ADAMTS12: variants seen among roughly 807,000 people sequenced by gnomAD.
The protein encoded by ADAMTS12 is ADAM metallopeptidase with thrombospondin type 1 motif 12.
A neutral mutation model predicts 167.8 loss-of-function variants in ADAMTS12; 118 were observed. That is an observed-to-expected ratio of 0.70 (90% confidence interval 0.61 to 0.82). The LOEUF (loss-of-function observed/expected upper bound fraction) is 0.82. Ranked by LOEUF, ADAMTS12 falls within the 40% of genes least tolerant of loss-of-function variation. The pLI is 0.00. For synonymous variants in ADAMTS12, 704 were observed against 716.9 expected (o/e 0.98, Z 0.29); for missense variants, 1,916 against 1,998.8 (o/e 0.96, Z 0.79).
chr5:33,610,268 G>A (rs13176580), intron 16 of ADAMTS12, among the ~76,000 whole-genome samples: 88,174 of 152,122 alleles, frequency 0.58, 25,851 homozygotes, highest in East Asian at 0.82. Flanking sequence ...TGAGGTGTGT[G>A]CCTCTATTGG....
At chr5:33,579,148 G>C (rs460845) in intron 18 of ADAMTS12, among the ~76,000 whole-genome samples, 31,367 of 152,094 alleles carry the variant, frequency 0.21, 3,307 homozygotes, top group Non-Finnish European at 0.23. Context: ...TTCCCTTCTT[G>C]TGTAGGAAGA....
intron 2 of ADAMTS12, among the ~76,000 whole-genome samples, chr5:33,814,066 G>C (rs891556653): frequency 4.6e-5 from 7 of 152,064 alleles, no homozygotes; most frequent in Non-Finnish European, 5.9e-5. Context: ...CCAATCTGTG[G>C]CTTGCTATTT....
At chr5:33,632,216 G>C (rs1222634496) in intron 12 of ADAMTS12, among the ~76,000 whole-genome samples, 1 of 152,128 alleles carries the variant, frequency 6.6e-6, no homozygotes, top group Non-Finnish European at 1.5e-5. Flanking sequence ...TAGAGATAAA[G>C]ATGGAGATAG....
intron 16 of ADAMTS12, among the ~76,000 whole-genome samples, chr5:33,603,999 G>GA (rs1738307728): frequency 6.6e-6 from 1 of 152,148 alleles, no homozygotes; most frequent in African/African-American, 2.4e-5. Context: ...CTTAGGCCTA[G>GA]AACTCATCAA....
intron 16 of ADAMTS12, among the ~76,000 whole-genome samples, chr5:33,605,261 C>G (rs1044007270): frequency 4.6e-5 from 7 of 152,192 alleles, no homozygotes; most frequent in Non-Finnish European, 1.0e-4. Flanking sequence ...ATTTTTCCAT[C>G]TATGTCACTT....
intron 5 of ADAMTS12, among the ~76,000 whole-genome samples, chr5:33,673,793 C>G (rs1741803832): frequency 6.6e-6 from 1 of 152,168 alleles, no homozygotes; most frequent in Non-Finnish European, 1.5e-5. Flanking sequence ...CCTCAGATCT[C>G]CCTCACATAC....
chr5:33,646,120 G>A (rs947804384), intron 9 of ADAMTS12, among the ~76,000 whole-genome samples: 2 of 152,134 alleles, frequency 1.3e-5, no homozygotes, highest in Non-Finnish European at 2.9e-5. Flanking sequence ...AGATAAACAT[G>A]GATTGCAAAA....
intron 2 of ADAMTS12, among the ~76,000 whole-genome samples, chr5:33,853,375 T>C (rs139289934): frequency 6.6e-6 from 1 of 152,272 alleles, no homozygotes; most frequent in East Asian, 1.9e-4. Context: ...GATTATTGCT[T>C]GGCACACTCA....
chr5:33,560,002 C>T lies in ADAMTS12; in HGVS notation c.4125+1025G>A, dbSNP rs114208997. On this transcript the variant is annotated intron_variant, in intron 20 of 23. Transcript: ENST00000504830. ...GGTCTGGAAGATTAAGCCATATATT[C>T]GCTTTGTAAAGCACAGGTGATTCAT... Among the ~76,000 whole-genome samples, 1,243 of 152,252 alleles carry T rather than the reference C, an allele frequency of 8.2e-3. 20 individuals carry two copies. The highest frequency in any genetic ancestry group is 0.028 in the African/African-American group (1,163 of 41,530).
intron 2 of ADAMTS12, among the ~76,000 whole-genome samples, chr5:33,867,557 A>C (rs1323392019): frequency 6.6e-6 from 1 of 152,144 alleles, no homozygotes; most frequent in Non-Finnish European, 1.5e-5. Flanking sequence ...AGACTTCAAC[A>C]CTATACAATT....
chr5:33,667,618 C>T (rs1276310769), intron 5 of ADAMTS12, among the ~76,000 whole-genome samples: 1 of 152,108 alleles, frequency 6.6e-6, no homozygotes, highest in Non-Finnish European at 1.5e-5. Flanking sequence ...CCCAACAATA[C>T]CTAGCATGGT....
chr5:33,632,553 G>A (rs1739996043), intron 12 of ADAMTS12, among the ~76,000 whole-genome samples: 1 of 152,162 alleles, frequency 6.6e-6, no homozygotes, highest in African/African-American at 2.4e-5. Flanking sequence ...ACAGCCAGGG[G>A]AAAAGTGTCA....
intron 2 of ADAMTS12, among the ~76,000 whole-genome samples, chr5:33,777,926 T>C (rs567289017): frequency 6.6e-6 from 1 of 151,914 alleles, no homozygotes; most frequent in East Asian, 1.9e-4. Flanking sequence ...ACATTTATAA[T>C]AGGAGAAACA....
intron 22 of ADAMTS12, among the ~76,000 whole-genome samples, chr5:33,539,302 G>A (rs1243424063): frequency 1.3e-5 from 2 of 152,112 alleles, no homozygotes; most frequent in African/African-American, 4.8e-5. Context: ...AGCAAGCTTA[G>A]GGAGAATAAT....
intron 1 of ADAMTS12, among the ~76,000 whole-genome samples, chr5:33,887,336 T>G (rs1203032910): frequency 6.6e-6 from 1 of 152,094 alleles, no homozygotes; most frequent in East Asian, 1.9e-4. Context: ...CAGTGAGGGA[T>G]GAGGATTTTT....
intron 2 of ADAMTS12, among the ~76,000 whole-genome samples, chr5:33,785,200 G>C (rs1035575986): frequency 6.6e-6 from 1 of 151,720 alleles, no homozygotes; most frequent in Non-Finnish European, 1.5e-5. Flanking sequence ...TAAATATAAG[G>C]GCTGAAACTA....
chr5:33,553,410 T>A (rs914670468), intron 20 of ADAMTS12, among the ~76,000 whole-genome samples: 2 of 152,184 alleles, frequency 1.3e-5, no homozygotes, highest in Admixed American at 1.3e-4. Flanking sequence ...AAGACACATG[T>A]ACGCATATGT....
At chr5:33,878,572 A>C (rs1270583639) in intron 2 of ADAMTS12, among the ~76,000 whole-genome samples, 1 of 152,174 alleles carries the variant, frequency 6.6e-6, no homozygotes, top group Non-Finnish European at 1.5e-5. Context: ...TTCCCTTAGA[A>C]AGCACAAGAT....
At chr5:33,776,889 T>C (rs955084351) in intron 2 of ADAMTS12, among the ~76,000 whole-genome samples, 1 of 152,230 alleles carries the variant, frequency 6.6e-6, no homozygotes, top group East Asian at 1.9e-4. Flanking sequence ...AACAGACTAC[T>C]ATAAACAATT....
Sources: allele counts gnomAD v4.1 joint callset (sites outside exome capture counted in the v4.1 genomes callset), GRCh38; gene constraint gnomAD v4.1.1; transcripts MANE v1.5; gene names NCBI Gene and HGNC (gene_info 2026-07-23, HGNC 2026-07-21).